PLOD2: variants seen among roughly 807,000 people sequenced by gnomAD.
PLOD2 encodes procollagen-lysine,2-oxoglutarate 5-dioxygenase 2, also known as lysine hydroxylase 2.
A neutral mutation model predicts 101.0 loss-of-function variants in PLOD2; 65 were observed. That is an observed-to-expected ratio of 0.64 (90% CI 0.53 to 0.79). The LOEUF is 0.79. Ranked by LOEUF, PLOD2 falls within the 30% of genes least tolerant of loss-of-function variation. PLOD2 has a pLI of 0.00. For missense variants in PLOD2, 909 were observed against 914.6 expected, an observed-to-expected ratio of 0.99 and a Z score of 0.08; for synonymous variants, 314 against 302.9, an observed-to-expected ratio of 1.04 and a Z score of -0.38.
Position 146,155,796 on chromosome 3 carries a change from T to C in PLOD2, c.109+5085A>G, listed in dbSNP as rs1415072706. On this transcript the variant is annotated intron_variant, in intron 1 of 19. Transcript: ENST00000282903. ...GGGGAGGCAAGCATTCTACAACAAA[T>C]GCAAATGAGTAAGATGTAAATTAAA... 2.6e-5 allele frequency among the ~76,000 whole-genome samples: 4 copies of C among 151,172 alleles called. No homozygotes were observed. In the East Asian group the frequency reaches 7.8e-4, roughly 29 times the overall value.
chr3:146,142,507 C>T (rs891411600), intron 1 of PLOD2, among the ~76,000 whole-genome samples: 1 of 151,936 alleles, frequency 6.6e-6, no homozygotes, highest in Non-Finnish European at 1.5e-5. Context: ...TATCAGGGAT[C>T]TTTTTCCAGC....
rs1191544431 is a variant in PLOD2, at chr3:146,160,917, C to T, written c.73G>A (p.Gly25Ser). Residue 25 changes from glycine to serine, a missense_variant, in exon 1 of 20, where the codon GGT becomes AGT. Transcript: ENST00000282903. Reference protein sequence around the residue: ...LVLHPWNPCLGADSEKPSSIP... With the variant: ...LVLHPWNPCLSADSEKPSSIP... The stretch of plus-strand genomic sequence containing the variant: ...CTCGAGGGCTTCTCCGAGTCCGCAC[C>T]CAGACAGGGATTCCAGGGGTGGAGG... 2 of 1,596,806 alleles carry T rather than the reference C, an allele frequency of 1.3e-6. No homozygotes were observed. The highest frequency in any genetic ancestry group is 2.7e-5 in the African/African-American group (2 of 74,796).
Position 146,161,108 on chromosome 3 carries a change from G to A in PLOD2, c.-119C>T, listed in dbSNP as rs540794967. The A allele has an allele frequency of 7.4e-6, 4 of 542,734 alleles. No homozygotes were observed. Among genetic ancestry groups the A allele is most frequent in the Non-Finnish European group, 8.7e-6 (3 of 343,142 alleles). 33.6% of individuals were successfully genotyped at this position (542,734 alleles called of 1,614,324 possible). A position where few individuals can be genotyped will look rare whatever the true frequency, so the allele number is the denominator to read the frequency against. On this transcript the variant is annotated 5_prime_UTR_variant, in exon 1 of 20. Transcript: ENST00000282903. ...CCGCCGATTGCGGGCGGGAGCCGGC[G>A]GGCAAGGCGCGCGGCCGGCAGCCGG...
At chr3:146,119,959 G>A (rs2029969332) in intron 3 of PLOD2, among the ~76,000 whole-genome samples, 1 of 152,172 alleles carries the variant, frequency 6.6e-6, no homozygotes, top group Non-Finnish European at 1.5e-5. Context: ...TATATACCCA[G>A]TAATGGGATG....
At chr3:146,145,554 C>T (rs1206592720) in intron 1 of PLOD2, among the ~76,000 whole-genome samples, 2 of 152,142 alleles carry the variant, frequency 1.3e-5, no homozygotes, top group Non-Finnish European at 2.9e-5. Context: ...ATAAGCTTAA[C>T]TATAGTTACT....
intron 13 of PLOD2, 34 bp from the exon 14 acceptor site, chr3:146,077,958 T>C: frequency 8.9e-7 from 1 of 1,127,018 alleles, no homozygotes; most frequent in Non-Finnish European, 1.4e-6. Context: ...TAAGTTGACC[T>C]GTACACCCGC....
intron 3 of PLOD2, among the ~76,000 whole-genome samples, chr3:146,113,473 T>C (rs981072882): frequency 1.3e-5 from 2 of 152,210 alleles, no homozygotes; most frequent in Non-Finnish European, 2.9e-5. Flanking sequence ...GCTGAAGCCA[T>C]GGCAGAAGAA....
chr3:146,124,696 C>T (rs2030444527), intron 1 of PLOD2, among the ~76,000 whole-genome samples: 1 of 152,024 alleles, frequency 6.6e-6, no homozygotes, highest in Non-Finnish European at 1.5e-5. Context: ...AAATCTGATT[C>T]TAATTTTCTA....
intron 7 of PLOD2, among the ~76,000 whole-genome samples, chr3:146,095,879 TCCC>T (rs1937133572): frequency 8.6e-6 from 1 of 116,364 alleles, no homozygotes; most frequent in Non-Finnish European, 1.8e-5. Context: ...CTCTCCCCTC[TCCC>T]CTCTCCCCTC....
rs144433297 is a variant in PLOD2 at position 146,071,350 on chromosome 3, T to C, written c.1922A>G (p.Asn641Ser). 4 of 1,612,114 alleles carry C rather than the reference T, an allele frequency of 2.5e-6. No homozygotes were observed. The highest frequency in any genetic ancestry group is 3.3e-5 in the Admixed American group (2 of 59,756). The change falls in exon 18 of 20, where the codon AAT becomes AGT. Residue 641 changes from asparagine (N) to serine (S), a missense_variant. Physicochemically the swap from Asn to Ser is conservative, Grantham distance 46 (BLOSUM62 1). Coordinates refer to ENST00000282903, the MANE Select transcript of PLOD2 (RefSeq NM_182943.3). ...CTCCCGGATAAAATGAAGCCATACA[T>C]TCTCCAGATCAACTTGCTTCATGTG... Reference protein sequence around the residue: ...DIHMKQVDLENVWLHFIREFI... With the variant: ...DIHMKQVDLESVWLHFIREFI...
chr3:146,076,928 G>C, intron 14 of PLOD2, 33 bp from the exon 15 acceptor site: 1 of 1,428,640 alleles, frequency 7.0e-7, no homozygotes, highest in Non-Finnish European at 9.8e-7. Flanking sequence ...ATTAATCTTA[G>C]AGGTAGGTAC....
At chr3:146,085,896 GT>G (rs1414172127) in intron 10 of PLOD2, 1 of 152,394 alleles carries the variant, frequency 6.6e-6, no homozygotes, top group Non-Finnish European at 1.5e-5. Context: ...ACTTTTTGCT[GT>G]TGTCAGTGTG....
At chr3:146,126,588 G>A (rs1251109175) in intron 1 of PLOD2, among the ~76,000 whole-genome samples, 2 of 152,032 alleles carry the variant, frequency 1.3e-5, no homozygotes, top group Admixed American at 6.6e-5. Context: ...AAATTCTATA[G>A]GACAAATGAT....
At chr3:146,099,820 C>T (rs760098682) in intron 7 of PLOD2, among the ~76,000 whole-genome samples, 26 of 151,452 alleles carry the variant, frequency 1.7e-4, no homozygotes, top group Non-Finnish European at 3.7e-4. Flanking sequence ...ACAGTGACTA[C>T]ACACACATAG....
chr3:146,144,625 C>T (rs1354660164), intron 1 of PLOD2, among the ~76,000 whole-genome samples: 1 of 151,830 alleles, frequency 6.6e-6, no homozygotes, highest in Non-Finnish European at 1.5e-5. Flanking sequence ...AAATGGCAAA[C>T]AAGCTATATA....
intron 1 of PLOD2, among the ~76,000 whole-genome samples, chr3:146,144,311 T>A (rs998446787): frequency 1.4e-4 from 21 of 152,072 alleles, no homozygotes; most frequent in Non-Finnish European, 2.6e-4. Context: ...TCACTATAAA[T>A]TTAAGAAATA....
intron 15 of PLOD2, among the ~76,000 whole-genome samples, chr3:146,075,233 G>T (rs1936287787): frequency 6.6e-6 from 1 of 151,502 alleles, no homozygotes; most frequent in Non-Finnish European, 1.5e-5. Context: ...TTCCTATTCA[G>T]AATATTCAGA....
chr3:146,158,107 T>C (rs2032388044), intron 1 of PLOD2, among the ~76,000 whole-genome samples: 1 of 152,216 alleles, frequency 6.6e-6, no homozygotes, highest in South Asian at 2.1e-4. Context: ...TTTATCCAGG[T>C]CTGGAGACAT....
At chr3:146,148,289 A>G (rs1475615677) in intron 1 of PLOD2, among the ~76,000 whole-genome samples, 1 of 151,184 alleles carries the variant, frequency 6.6e-6, no homozygotes, top group Non-Finnish European at 1.5e-5. Flanking sequence ...CGTTTCAAAT[A>G]TCTAATAGAT....
Sources: gnomAD v4.1 joint callset for allele counts (sites outside exome capture counted in the v4.1 genomes callset) on GRCh38, gnomAD v4.1.1 for gene constraint, MANE v1.5 for transcripts, NCBI Gene and HGNC (gene_info 2026-07-23, HGNC 2026-07-21) for gene names.